Variants in SLC30A10 observed in about 807,000 individuals in gnomAD.
SLC30A10 encodes solute carrier family 30 member 10, also known as calcium/manganese antiporter SLC30A10.
SLC30A10 carries 8 observed loss-of-function variants against 21.7 expected under a neutral mutation model. The ratio of observed to expected loss-of-function variants is 0.37; its 90% CI spans 0.22 to 0.67. The LOEUF (loss-of-function observed/expected upper bound fraction) is 0.67, where lower values mean the gene tolerates loss of function less well. SLC30A10 is among the 30% of genes least tolerant of loss of function. The probability of loss-of-function intolerance (pLI) is 0.58; values close to 1 mark genes in which losing one functional copy is unlikely to be tolerated. For missense variants in SLC30A10, 521 were observed against 642.5 expected (o/e 0.81, Z 2.04); for synonymous variants, 272 against 279.4 (o/e 0.97, Z 0.26).
intron 1 of SLC30A10, among the ~76,000 whole-genome samples, chr1:219,936,399 G>C (rs565572630): frequency 6.6e-6 from 1 of 152,188 alleles, no homozygotes; most frequent in African/African-American, 2.4e-5. Context: ...ATTTAAATGG[G>C]TCAGCTTAAG....
In SLC30A10 at chr1:219,927,850, C is replaced by T. The variant is rs1357579139; in HGVS notation, c.591G>A (p.Ser197=). 1.3e-6 allele frequency: 2 copies of T among 1,547,156 alleles called. No individual in the cohort carries two copies. Among genetic ancestry groups the T allele is most frequent in the East Asian group, 2.5e-5 (1 of 39,274 alleles). The part of the protein sequence containing the change: ...SDSAVTLRGT[S]VERKREKGAT... ...CCCCCTTCTCCCGCTTCCTTTCCAC[C>T]GAGGTCCCCCGGAGGGTTACGGCCG... Residue 197 remains serine (S), a synonymous_variant, in exon 1 of 4, where the codon TCG becomes TCA. Transcript: ENST00000366926.
At chr1:219,936,720 CA>C (rs1240964300) in intron 1 of SLC30A10, among the ~76,000 whole-genome samples, 1 of 152,184 alleles carries the variant, frequency 6.6e-6, no homozygotes, top group African/African-American at 2.4e-5. Flanking sequence ...CTTCAAACTG[CA>C]ATAGGAGAGG....
intron 2 of SLC30A10, among the ~76,000 whole-genome samples, chr1:219,919,347 A>T (rs1272546517): frequency 6.6e-6 from 1 of 152,244 alleles, no homozygotes; most frequent in Non-Finnish European, 1.5e-5. Flanking sequence ...TTTTACAAAA[A>T]GCAACATCTG....
intron 1 of SLC30A10, among the ~76,000 whole-genome samples, chr1:219,935,868 G>T (rs1660039080): frequency 6.6e-6 from 1 of 151,980 alleles, no homozygotes; most frequent in Admixed American, 6.6e-5. Flanking sequence ...ATTAGCTATT[G>T]ACTAATAAAA....
At chr1:219,924,395 G>A (rs11799573) in intron 2 of SLC30A10, among the ~76,000 whole-genome samples, 4 of 152,058 alleles carry the variant, frequency 2.6e-5, no homozygotes, top group African/African-American at 7.3e-5. Context: ...TGGGGAAGTC[G>A]TCAAACTCTC....
At chr1:219,955,373 C>G (rs1660332092) in intron 1 of SLC30A10, among the ~76,000 whole-genome samples, 1 of 152,174 alleles carries the variant, frequency 6.6e-6, no homozygotes, top group South Asian at 2.1e-4. Context: ...CTTTTAGAGT[C>G]AGGGGTGACC....
chr1:219,950,719 A>T (rs2102546698), intron 1 of SLC30A10, among the ~76,000 whole-genome samples: 1 of 151,790 alleles, frequency 6.6e-6, no homozygotes, highest in East Asian at 1.9e-4. Flanking sequence ...GGAGGCCGAG[A>T]CAGGTGGATC....
Position 219,913,953 on chromosome 1 carries a change from A to T in SLC30A10, c.*1496T>A, listed in dbSNP as rs945989620. The T allele has an allele frequency of 6.6e-6, 1 of 152,158 alleles. No individual in the cohort carries two copies. The highest frequency in any genetic ancestry group is 6.5e-5 in the Admixed American group (1 of 15,276). 9.4% of individuals were successfully genotyped at this position (152,158 alleles called of 1,614,324 possible). ...AAAATAATAATTTCCTATCCTACGG[A>T]TCATAGCTGCTTATTTATTTTAGCC... On this transcript the variant is annotated 3_prime_UTR_variant, in exon 4 of 4. Transcript: ENST00000366926.
At chr1:219,923,905 C>CA (rs1053251706) in intron 2 of SLC30A10, among the ~76,000 whole-genome samples, 11 of 151,896 alleles carry the variant, frequency 7.2e-5, no homozygotes, top group South Asian at 2.1e-4. Flanking sequence ...ACTAAAAATA[C>CA]AAAAAAAATT....
intron 1 of SLC30A10, among the ~76,000 whole-genome samples, chr1:219,958,326 C>A (rs1264948177): frequency 6.6e-6 from 1 of 152,140 alleles, no homozygotes; most frequent in African/African-American, 2.4e-5. Flanking sequence ...GACACTTTTT[C>A]ATTCCCTGTG....
rs1349393962 is a variant in SLC30A10, at chr1:219,915,683, G to T, written c.1224C>A (p.Gly408=). 3 of 1,614,258 alleles carry T rather than the reference G, an allele frequency of 1.9e-6. No homozygotes were observed. The highest frequency in any genetic ancestry group is 3.3e-5 in the Admixed American group (2 of 60,032). The change falls in exon 4 of 4, where the codon GGC becomes GGA. Residue 408 remains glycine, a synonymous_variant. Transcript: ENST00000366926. ...GGGGACAACACAGCTGCTTAGCACA[G>T]CCCTTGGAGATGCAGGGTGAGTTGC... The part of the protein sequence containing the change: ...LLCNSPCISK[G]CAKQLCCPPG...
At chr1:219,927,204 T>A in intron 1 of SLC30A10, 99 bp from the exon 2 acceptor site, 1 of 1,303,166 alleles carries the variant, frequency 7.7e-7, no homozygotes, top group Non-Finnish European at 1.1e-6. Flanking sequence ...TTTAAATTTC[T>A]ACTAGCTTAA....
intron 1 of SLC30A10, among the ~76,000 whole-genome samples, chr1:219,936,523 C>G (rs1486308648): frequency 2.0e-5 from 3 of 152,170 alleles, no homozygotes; most frequent in Non-Finnish European, 4.4e-5. Flanking sequence ...ATCACAGTCC[C>G]TCATGCCCTG....
intron 2 of SLC30A10, among the ~76,000 whole-genome samples, chr1:219,922,172 GTGT>G (rs1558252004): frequency 1.1e-4 from 5 of 46,114 alleles, no homozygotes; most frequent in South Asian, 8.1e-4. Flanking sequence ...GTGTGTGTGT[GTGT>G]GTTTTTTTTT....
At chr1:219,916,875 G>A (rs997698774) in intron 3 of SLC30A10, among the ~76,000 whole-genome samples, 1 of 151,358 alleles carries the variant, frequency 6.6e-6, no homozygotes, top group East Asian at 1.9e-4. Context: ...GGATTAAAAT[G>A]AATTATTATA....
At position 219,925,632 on chromosome 1, in the gene SLC30A10, CATAT is replaced by C. The variant is rs1164535981; in HGVS notation, c.718+1392_718+1395del. On this transcript the variant is annotated intron_variant, in intron 2 of 3. Coordinates refer to ENST00000366926, the MANE Select transcript of SLC30A10 (RefSeq NM_018713.3). The stretch of plus-strand genomic sequence containing the variant: ...CTTAAAATTTATGTGTGTGTGTGTA[CATAT>C]ATATATATATATATATTTTTTTTTT... Among the ~76,000 whole-genome samples the C allele has an allele frequency of 7.0e-3, 481 of 68,876 alleles. 15 individuals carry two copies. The highest frequency in any genetic ancestry group is 0.012 in the South Asian group (17 of 1,414). The allele number at this position is 68,876 out of a possible 152,430, so 45.2% of individuals were successfully genotyped here.
At chr1:219,952,213 T>C (rs967449755) in intron 1 of SLC30A10, among the ~76,000 whole-genome samples, 2 of 152,182 alleles carry the variant, frequency 1.3e-5, no homozygotes, top group African/African-American at 4.8e-5. Flanking sequence ...TTACCATTTA[T>C]TGAGTGTTCA....
At chr1:219,922,158 T>TTGTGTG (rs139669169) in intron 2 of SLC30A10, among the ~76,000 whole-genome samples, 64 of 42,884 alleles carry the variant, frequency 1.5e-3, no homozygotes, top group African/African-American at 4.8e-3. Flanking sequence ...ACCTTCTTGT[T>TTGTGTG]TGTGTGTGTG....
rs1053462475 is a variant in SLC30A10, at chr1:219,915,067, T to A, written c.*382A>T. ...TTTTTTCAATGTATTTAAGCTATGA[T>A]CTCACCTGAGCATTAGCTAGAAGTT... On this transcript the variant is annotated 3_prime_UTR_variant, in exon 4 of 4. Coordinates refer to ENST00000366926, the MANE Select transcript of SLC30A10 (RefSeq NM_018713.3). 3 of 182,748 alleles carry A rather than the reference T, an allele frequency of 1.6e-5. No individual in the cohort carries two copies. The highest frequency in any genetic ancestry group is 2.9e-4 in the East Asian group (2 of 6,968). 11.3% of individuals were successfully genotyped at this position (182,748 alleles called of 1,614,324 possible). A position where few individuals can be genotyped will look rare whatever the true frequency, so the allele number is the denominator to read the frequency against.
Sources: allele counts gnomAD v4.1 joint callset (sites outside exome capture counted in the v4.1 genomes callset), GRCh38; gene constraint gnomAD v4.1.1; transcripts MANE v1.5; gene names NCBI Gene and HGNC (gene_info 2026-07-23, HGNC 2026-07-21).